CDIN1: variants seen among roughly 807,000 people sequenced by gnomAD.
The protein encoded by CDIN1 is CDAN1 interacting nuclease 1.
Under a neutral mutation model 45.3 loss-of-function variants are expected in CDIN1, and 33 were observed. The observed-to-expected ratio is 0.73, with a 90% CI of 0.55 to 0.97. The LOEUF (loss-of-function observed/expected upper bound fraction) is 0.97, where lower values mean the gene tolerates loss of function less well. Among genes scored for constraint, CDIN1 ranks in the 50% least tolerant of loss-of-function variants. CDIN1 has a pLI of 0.00. For missense variants in CDIN1, 303 were observed against 339.4 expected (o/e 0.89, Z 0.84); for synonymous variants, 118 against 124.4 (o/e 0.95, Z 0.34).
intron 1 of CDIN1, among the ~76,000 whole-genome samples, chr15:36,591,237 A>G (rs2037558441): frequency 6.6e-6 from 1 of 152,226 alleles, no homozygotes; most frequent in Admixed American, 6.5e-5. Flanking sequence ...ACTTTTTAAA[A>G]AAAATTTGTT....
intron 1 of CDIN1, among the ~76,000 whole-genome samples, chr15:36,590,522 G>T (rs972421278): frequency 3.9e-5 from 6 of 152,182 alleles, no homozygotes; most frequent in Admixed American, 3.3e-4. Flanking sequence ...TGCTAATTGA[G>T]GCAATTCTGT....
At chr15:36,605,058 T>A (rs761795918) in intron 1 of CDIN1, among the ~76,000 whole-genome samples, 1 of 152,198 alleles carries the variant, frequency 6.6e-6, no homozygotes. Context: ...TAACTACTGT[T>A]TAATGATGAT....
At chr15:36,766,504 C>T (rs925208433) in intron 10 of CDIN1, among the ~76,000 whole-genome samples, 1 of 152,154 alleles carries the variant, frequency 6.6e-6, no homozygotes, top group African/African-American at 2.4e-5. Flanking sequence ...AGTGGATGTA[C>T]CATTTTACAT....
intron 1 of CDIN1, among the ~76,000 whole-genome samples, chr15:36,598,769 A>G (rs571607057): frequency 7.1e-5 from 10 of 140,170 alleles, no homozygotes; most frequent in Non-Finnish European, 1.1e-4. Flanking sequence ...TCCATCCCCC[A>G]TCTTTTTTTT....
At chr15:36,644,355 A>G in intron 2 of CDIN1, 32 bp downstream of exon 2, 1 of 1,598,580 alleles carries the variant, frequency 6.3e-7, no homozygotes, top group Non-Finnish European at 8.6e-7. Flanking sequence ...GAGGGTTGAC[A>G]GGTGCCTAAT....
chr15:36,589,328 G>A (rs1004553169), intron 1 of CDIN1, among the ~76,000 whole-genome samples: 2 of 152,048 alleles, frequency 1.3e-5, no homozygotes, highest in African/African-American at 4.8e-5. Context: ...AAGAGTAAAT[G>A]CTTCTTTATT....
At chr15:36,666,512 G>A (rs2041253999) in intron 5 of CDIN1, among the ~76,000 whole-genome samples, 1 of 152,096 alleles carries the variant, frequency 6.6e-6, no homozygotes, top group African/African-American at 2.4e-5. Context: ...CAATGTTCTT[G>A]GTTATATTGT....
intron 1 of CDIN1, among the ~76,000 whole-genome samples, chr15:36,591,488 T>C (rs997400833): frequency 3.3e-5 from 5 of 152,172 alleles, no homozygotes; most frequent in African/African-American, 4.8e-5. Flanking sequence ...ATGTAACAAA[T>C]AGCTGTTTCC....
chr15:36,633,158 C>T lies in CDIN1; in HGVS notation c.102-11120C>T, dbSNP rs188834821. ...AAAATATAGCACAAATATAAAAGAACAGAGAATGATAAATGAACCCTTTGA... is the reference window on the plus strand; with the variant it reads ...AAAATATAGCACAAATATAAAAGAATAGAGAATGATAAATGAACCCTTTGA... On this transcript the variant is annotated intron_variant, in intron 1 of 10. Coordinates refer to ENST00000566621, the MANE Select transcript of CDIN1 (RefSeq NM_001321759.2). Among the ~76,000 whole-genome samples, 154 of 152,254 alleles carry T rather than the reference C, an allele frequency of 1.0e-3. No homozygotes were observed. In the East Asian group the frequency reaches 0.023, roughly 23 times the overall value.
intron 5 of CDIN1, among the ~76,000 whole-genome samples, chr15:36,680,886 C>T (rs2041827298): frequency 6.6e-6 from 1 of 152,128 alleles, no homozygotes; most frequent in African/African-American, 2.4e-5. Flanking sequence ...AAGAAATTAA[C>T]AATAAAACTG....
chr15:36,734,571 G>A (rs1045581091), intron 10 of CDIN1, among the ~76,000 whole-genome samples: 4 of 151,914 alleles, frequency 2.6e-5, no homozygotes, highest in African/African-American at 4.8e-5. Context: ...AGCTTACATC[G>A]TCACCTCAGC....
intron 10 of CDIN1, among the ~76,000 whole-genome samples, chr15:36,792,942 T>C (rs2054685674): frequency 6.6e-6 from 1 of 152,100 alleles, no homozygotes; most frequent in African/African-American, 2.4e-5. Context: ...GGCCATGATC[T>C]TTCTTTCTCC....
intron 9 of CDIN1, among the ~76,000 whole-genome samples, chr15:36,709,579 G>A (rs2042983632): frequency 1.3e-5 from 2 of 152,014 alleles, no homozygotes; most frequent in South Asian, 4.1e-4. Context: ...ACTCATTTTG[G>A]TCTGCTTGAC....
At chr15:36,675,399 T>C (rs2041611881) in intron 5 of CDIN1, among the ~76,000 whole-genome samples, 1 of 152,108 alleles carries the variant, frequency 6.6e-6, no homozygotes, top group South Asian at 2.1e-4. Context: ...TATGGAGTAG[T>C]TTCTAGCACT....
chr15:36,800,907 G>GTGTGTA (rs2055012083), intron 10 of CDIN1, among the ~76,000 whole-genome samples: 1 of 31,622 alleles, frequency 3.2e-5, no homozygotes, highest in Non-Finnish European at 6.4e-5. Context: ...GTGTGTGTGT[G>GTGTGTA]TGTATATATA....
intron 10 of CDIN1, among the ~76,000 whole-genome samples, chr15:36,774,275 G>T (rs928244690): frequency 6.6e-6 from 1 of 152,002 alleles, no homozygotes; most frequent in Non-Finnish European, 1.5e-5. Context: ...CTCTCCAAGG[G>T]TTAACAAACT....
intron 1 of CDIN1, among the ~76,000 whole-genome samples, chr15:36,582,141 G>A (rs2037074629): frequency 6.6e-6 from 1 of 152,172 alleles, no homozygotes. Context: ...TCCTTGAAAT[G>A]ACAGGCTCAC....
At chr15:36,647,968 T>G (rs2040408217) in intron 3 of CDIN1, among the ~76,000 whole-genome samples, 1 of 151,722 alleles carries the variant, frequency 6.6e-6, no homozygotes, top group Non-Finnish European at 1.5e-5. Context: ...GCCTCCTGGG[T>G]GGCTGGGACT....
intron 10 of CDIN1, among the ~76,000 whole-genome samples, chr15:36,763,897 A>G (rs2053841947): frequency 6.6e-6 from 1 of 152,202 alleles, no homozygotes. Flanking sequence ...CAAAGGCTAT[A>G]TATACATAGT....
Sources: gnomAD v4.1 joint callset for allele counts (sites outside exome capture counted in the v4.1 genomes callset) on GRCh38, gnomAD v4.1.1 for gene constraint, MANE v1.5 for transcripts, NCBI Gene and HGNC (gene_info 2026-07-23, HGNC 2026-07-21) for gene names.